Variants in EVC observed in about 807,000 individuals in gnomAD.
EVC encodes the protein EvC ciliary complex subunit 1.
Under a neutral mutation model 118.9 loss-of-function variants are expected in EVC, and 116 were observed. That is an observed-to-expected ratio of 0.98 (90% confidence interval 0.84 to 1.14). The LOEUF is 1.14. Among genes scored for constraint, EVC ranks in the 50% most tolerant of loss-of-function variants. The pLI is 0.00. For missense variants in EVC, 1,401 were observed against 1,246.4 expected (o/e 1.12, Z -1.87); for synonymous variants, 619 against 534.7 (o/e 1.16, Z -2.18).
At chr4:5,740,465 C>G (rs1259109592) in intron 5 of EVC, among the ~76,000 whole-genome samples, 1 of 115,238 alleles carries the variant, frequency 8.7e-6, no homozygotes, top group African/African-American at 3.6e-5. Flanking sequence ...ACTGATACTC[C>G]ATCTCAAAAA....
chr4:5,818,061 G>C (rs1717968833), downstream of EVC, among the ~76,000 whole-genome samples: 1 of 152,180 alleles, frequency 6.6e-6, no homozygotes, highest in African/African-American at 2.4e-5. Context: ...TGATGTGGGA[G>C]GGACCTGGTG....
At chr4:5,770,741 T>G (rs970456170) in intron 11 of EVC, among the ~76,000 whole-genome samples, 10 of 152,162 alleles carry the variant, frequency 6.6e-5, no homozygotes, top group African/African-American at 2.4e-4. Flanking sequence ...CTGGGAGTGT[T>G]GGCTAACACC....
At chr4:5,802,141 G>A (rs764160522) in intron 16 of EVC, 47 bp downstream of exon 16, 1 of 1,611,936 alleles carries the variant, frequency 6.2e-7, no homozygotes, top group Non-Finnish European at 8.5e-7. Context: ...CTGGCAATGT[G>A]TGCTTTTAGT....
chr4:5,723,528 C>G (rs529426348), intron 2 of EVC, among the ~76,000 whole-genome samples: 69 of 152,216 alleles, frequency 4.5e-4, no homozygotes, highest in African/African-American at 1.6e-3. Context: ...TGTATTCCCC[C>G]CTTGAAGGTC....
intron 5 of EVC, among the ~76,000 whole-genome samples, chr4:5,739,806 C>G (rs777840953): frequency 1.3e-5 from 2 of 151,030 alleles, no homozygotes; most frequent in Non-Finnish European, 2.9e-5. Context: ...TGACTCATGC[C>G]TATAATCCCA....
At chr4:5,818,009 C>T (rs1717962453), downstream of EVC, among the ~76,000 whole-genome samples, 2 of 152,208 alleles carry the variant, frequency 1.3e-5, no homozygotes, top group Admixed American at 1.3e-4. Context: ...TGGCTGTGTC[C>T]CCACCCAAAT....
rs533904323 is a variant in EVC, at chr4:5,751,536, G to A, written c.1099-1300G>A. On this transcript the variant is annotated intron_variant, in intron 8 of 20. Coordinates refer to ENST00000264956, the MANE Select transcript of EVC (RefSeq NM_153717.3). ...ATGAGCCTCGCCGTCCTTGTCCATCGCTGGGGGATGTTCTTGCCCTAGTCT... is the reference window on the plus strand; with the variant it reads ...ATGAGCCTCGCCGTCCTTGTCCATCACTGGGGGATGTTCTTGCCCTAGTCT... Among the ~76,000 whole-genome samples the A allele has an allele frequency of 1.5e-3, 221 of 152,350 alleles. 1 individual carries two copies. Among genetic ancestry groups the A allele is most frequent in the African/African-American group, 5.1e-3 (214 of 41,572 alleles).
At chr4:5,745,377 T>G in intron 7 of EVC, 36 bp downstream of exon 7, 1 of 1,604,824 alleles carries the variant, frequency 6.2e-7, no homozygotes, top group Non-Finnish European at 8.5e-7. Context: ...ACACAAATTT[T>G]GGTTCCTAAA....
chr4:5,762,974 G>T (rs1732306257), intron 11 of EVC, among the ~76,000 whole-genome samples: 1 of 104,010 alleles, frequency 9.6e-6, no homozygotes, highest in Non-Finnish European at 2.0e-5. Flanking sequence ...TGAAGTCCTT[G>T]CCCATGCCTA....
chr4:5,816,293 T>C (rs1409586466), downstream of EVC, among the ~76,000 whole-genome samples: 1 of 152,142 alleles, frequency 6.6e-6, no homozygotes, highest in African/African-American at 2.4e-5. Flanking sequence ...AACATGTACC[T>C]CTTGGGTCCC....
At chr4:5,785,316 C>A (rs1319804397) in intron 12 of EVC, among the ~76,000 whole-genome samples, 2 of 152,212 alleles carry the variant, frequency 1.3e-5, no homozygotes, top group Non-Finnish European at 2.9e-5. Flanking sequence ...TGCTGTTAAG[C>A]CATTACCGCA....
At chr4:5,730,596 G>A (rs1726640510) in intron 3 of EVC, among the ~76,000 whole-genome samples, 2 of 152,040 alleles carry the variant, frequency 1.3e-5, no homozygotes, top group African/African-American at 4.8e-5. Flanking sequence ...CTCACTGCCT[G>A]AGTGGATTGA....
chr4:5,728,313 G>GT (rs1430444832), intron 2 of EVC, among the ~76,000 whole-genome samples: 11 of 151,846 alleles, frequency 7.2e-5, no homozygotes, highest in Admixed American at 2.0e-4. Flanking sequence ...GGATTCCTAG[G>GT]TATTTTATTC....
chr4:5,765,696 G>T (rs1297227974), intron 11 of EVC, among the ~76,000 whole-genome samples: 1 of 126,610 alleles, frequency 7.9e-6, no homozygotes, highest in African/African-American at 3.0e-5. Context: ...TTGGTTTAAA[G>T]TCTGTTTTAT....
Position 5,811,324 on chromosome 4 carries a change from C to G in EVC, c.*287C>G, listed in dbSNP as rs186599074. 2 of 425,502 alleles carry G rather than the reference C, an allele frequency of 4.7e-6. No homozygotes were observed. The highest frequency in any genetic ancestry group is 8.8e-6 in the Non-Finnish European group (2 of 227,892). The allele number at this position is 425,502 out of a possible 1,614,324, so 26.4% of individuals were successfully genotyped here. On this transcript the variant is annotated 3_prime_UTR_variant, in exon 21 of 21. Coordinates refer to ENST00000264956, the MANE Select transcript of EVC (RefSeq NM_153717.3). ...ATGGATCTTTCTCCCCAAGGAGGGA[C>G]GTCTTGAGGGGTCCGAGCCTCAGGC...
chr4:5,778,788 G>A (rs1735126820), intron 11 of EVC, among the ~76,000 whole-genome samples: 1 of 152,116 alleles, frequency 6.6e-6, no homozygotes, highest in Admixed American at 6.5e-5. Flanking sequence ...CATTTTGTGG[G>A]TTGCCTGTTC....
intron 12 of EVC, among the ~76,000 whole-genome samples, chr4:5,787,606 C>T (rs897363402): frequency 2.0e-5 from 3 of 152,164 alleles, no homozygotes; most frequent in Non-Finnish European, 2.9e-5. Context: ...TTCAGGCTTC[C>T]GATCTCCAGA....
chr4:5,809,472 G>T (rs980739329), intron 18 of EVC, 46 bp from the exon 19 acceptor site: 1 of 1,552,556 alleles, frequency 6.4e-7, no homozygotes, highest in African/African-American at 1.4e-5. Context: ...ATTTAGAGAA[G>T]TCAGAGGGAG....
At chr4:5,804,116 T>C (rs961806538) in intron 16 of EVC, among the ~76,000 whole-genome samples, 1 of 152,090 alleles carries the variant, frequency 6.6e-6, no homozygotes, top group African/African-American at 2.4e-5. Flanking sequence ...TTTTGTACTT[T>C]TAGTAGAGAC....
Sources: allele counts gnomAD v4.1 joint callset (sites outside exome capture counted in the v4.1 genomes callset), GRCh38; gene constraint gnomAD v4.1.1; transcripts MANE v1.5; gene names NCBI Gene and HGNC (gene_info 2026-07-23, HGNC 2026-07-21).